Variants in SLC6A6 observed in about 807,000 individuals in gnomAD.
SLC6A6 encodes sodium- and chloride-dependent taurine transporter.
Under a neutral mutation model 68.8 loss-of-function variants are expected in SLC6A6, and 16 were observed. The ratio of observed to expected loss-of-function variants is 0.23; its 90% CI spans 0.16 to 0.35. SLC6A6 has a LOEUF of 0.35. Ranked by LOEUF, SLC6A6 falls within the 10% of genes least tolerant of loss-of-function variation. SLC6A6 has a pLI of 1.00. For missense variants in SLC6A6, 474 were observed against 802.8 expected (o/e 0.59, Z 4.95); for synonymous variants, 312 against 315.4 (o/e 0.99, Z 0.12).
Position 14,468,364 on chromosome 3 carries a change from A to T in SLC6A6, c.1096+152A>T. The T allele has an allele frequency of 1.4e-6, 1 of 710,010 alleles. No homozygotes were observed. The highest frequency in any genetic ancestry group is 2.2e-6 in the Non-Finnish European group (1 of 457,192). The allele number at this position is 710,010 out of a possible 1,614,324, so 44.0% of individuals were successfully genotyped here. A position where few individuals can be genotyped will look rare whatever the true frequency, so the allele number is the denominator to read the frequency against. The stretch of plus-strand genomic sequence containing the variant: ...CCCCCCCGCCACCAAGATATCCCCC[A>T]AATTTCAAAGAGTACAAAGCCAAAT... On this transcript the variant is annotated intron_variant, in intron 9 of 14. Transcript: ENST00000622186. This position sits in a 1 kb window ranked among gnomAD's most constrained non-coding sequence, Gnocchi z 4.5.
intron 14 of SLC6A6, 27 bp from the exon 15 acceptor site, chr3:14,484,840 C>T: frequency 6.2e-7 from 1 of 1,606,240 alleles, no homozygotes; most frequent in East Asian, 2.2e-5. Context: ...TGACGTTTCC[C>T]CCCTCACTCC....
At chr3:14,410,632 G>C (rs1699231513) in intron 1 of SLC6A6, among the ~76,000 whole-genome samples, 1 of 152,240 alleles carries the variant, frequency 6.6e-6, no homozygotes, top group Non-Finnish European at 1.5e-5. Context: ...CTGGAAGGCA[G>C]AGGGCTGAGC....
At chr3:14,448,413 G>A (rs1159451519) in intron 5 of SLC6A6, among the ~76,000 whole-genome samples, 1 of 152,164 alleles carries the variant, frequency 6.6e-6, no homozygotes, top group Non-Finnish European at 1.5e-5. Flanking sequence ...GCAACTGTAG[G>A]TCCTCCGGGT....
At chr3:14,415,924 G>A (rs1012730025) in intron 1 of SLC6A6, among the ~76,000 whole-genome samples, 1 of 152,334 alleles carries the variant, frequency 6.6e-6, no homozygotes, top group Middle Eastern at 3.4e-3. Context: ...GACTGAGCTG[G>A]TGGGGCGCTC....
At chr3:14,454,291 G>A (rs1349199816) in intron 5 of SLC6A6, among the ~76,000 whole-genome samples, 1 of 152,050 alleles carries the variant, frequency 6.6e-6, no homozygotes, top group Non-Finnish European at 1.5e-5. Context: ...GACTGTGCTG[G>A]GAGAGCTGTG....
At chr3:14,417,571 A>G (rs1489010936) in intron 2 of SLC6A6, among the ~76,000 whole-genome samples, 1 of 152,154 alleles carries the variant, frequency 6.6e-6, no homozygotes, top group African/African-American at 2.4e-5. Context: ...CTCTACTAAA[A>G]AACACAAAAA....
intron 2 of SLC6A6, among the ~76,000 whole-genome samples, chr3:14,426,273 T>A (rs1009507321): frequency 7.2e-5 from 11 of 152,150 alleles, no homozygotes; most frequent in African/African-American, 2.7e-4. Flanking sequence ...GCAACCTCGG[T>A]CAAGTCGCTT....
intron 1 of SLC6A6, among the ~76,000 whole-genome samples, chr3:14,410,250 T>C (rs1008336171): frequency 2.8e-5 from 4 of 143,978 alleles, no homozygotes; most frequent in African/African-American, 1.0e-4. Flanking sequence ...GCCGCACCCA[T>C]CATTCATTGC....
At chr3:14,415,074 A>G (rs2124903467) in intron 1 of SLC6A6, among the ~76,000 whole-genome samples, 1 of 152,374 alleles carries the variant, frequency 6.6e-6, no homozygotes, top group South Asian at 2.1e-4. Context: ...CACAGAGCCT[A>G]GAATGAAGCC....
intron 5 of SLC6A6, among the ~76,000 whole-genome samples, chr3:14,454,747 T>G (rs1231779466): frequency 6.6e-6 from 1 of 152,216 alleles, no homozygotes; most frequent in African/African-American, 2.4e-5. Context: ...AAAAATACTT[T>G]GCAAAGTGCA....
At chr3:14,426,407 A>G (rs1182150188) in intron 2 of SLC6A6, among the ~76,000 whole-genome samples, 1 of 152,208 alleles carries the variant, frequency 6.6e-6, no homozygotes, top group Non-Finnish European at 1.5e-5. Context: ...CAAACTGCAC[A>G]TGCAAGCCTG....
intron 2 of SLC6A6, among the ~76,000 whole-genome samples, chr3:14,424,909 C>G (rs116216266): frequency 6.6e-6 from 1 of 152,110 alleles, no homozygotes; most frequent in East Asian, 1.9e-4. Flanking sequence ...CGGTCGAAGC[C>G]GCCTGTTTGA....
At chr3:14,466,453 A>T (rs1363743129) in intron 6 of SLC6A6, 63 bp from the exon 7 acceptor site, 11 of 1,537,752 alleles carry the variant, frequency 7.2e-6, no homozygotes, top group African/African-American at 1.4e-5. Context: ...CTCTGAGAGG[A>T]TGCTCAGACT....
intron 1 of SLC6A6, among the ~76,000 whole-genome samples, chr3:14,407,288 G>A (rs1036442880): frequency 2.6e-5 from 4 of 152,068 alleles, no homozygotes; most frequent in Non-Finnish European, 5.9e-5. Flanking sequence ...GAGCTCAAGC[G>A]ATCCTCCCAC....
chr3:14,424,458 G>A (rs1699546231), intron 2 of SLC6A6, among the ~76,000 whole-genome samples: 1 of 152,160 alleles, frequency 6.6e-6, no homozygotes, highest in African/African-American at 2.4e-5. Context: ...CCCGTGGAAA[G>A]GCCTGGTAGA....
intron 12 of SLC6A6, chr3:14,478,870 C>A (rs938962069): frequency 7.7e-5 from 46 of 596,058 alleles, no homozygotes; most frequent in Non-Finnish European, 1.2e-4. Flanking sequence ...AGATTGCACA[C>A]CTAGGGTTTG....
intron 2 of SLC6A6, among the ~76,000 whole-genome samples, chr3:14,441,270 C>T (rs1427518552): frequency 2.6e-5 from 4 of 152,082 alleles, no homozygotes; most frequent in Non-Finnish European, 5.9e-5. Context: ...CACCTTCACT[C>T]GGAGGGAGTT....
chr3:14,477,436 A>T lies in SLC6A6; in HGVS notation c.1347+94A>T, dbSNP rs1700904785. The T allele has an allele frequency of 2.3e-6, 3 of 1,289,710 alleles. No homozygotes were observed. The highest frequency in any genetic ancestry group is 3.3e-6 in the Non-Finnish European group (3 of 905,870). 79.9% of individuals were successfully genotyped at this position (1,289,710 alleles called of 1,614,324 possible). On this transcript the variant is annotated intron_variant, in intron 11 of 14. Coordinates refer to ENST00000622186, the MANE Select transcript of SLC6A6 (RefSeq NM_003043.6). The surrounding 1 kb of genome is among the most constrained non-coding windows in gnomAD (Gnocchi z 4.2). ...CAGCAGCTGGGTGAGAGGGCCAGGT[A>T]GGGGCTTCATCTCCCAGCCCCACCC...
At chr3:14,403,654 G>A (rs1699039312) in intron 1 of SLC6A6, among the ~76,000 whole-genome samples, 1 of 152,250 alleles carries the variant, frequency 6.6e-6, no homozygotes, top group African/African-American at 2.4e-5. Context: ...ACCAAGGCCC[G>A]GAGGGGCAGC....
Sources: allele counts gnomAD v4.1 joint callset (sites outside exome capture counted in the v4.1 genomes callset), GRCh38; gene constraint gnomAD v4.1.1; non-coding constraint Gnocchi (gnomAD v3.1); transcripts MANE v1.5; gene names NCBI Gene and HGNC (gene_info 2026-07-23, HGNC 2026-07-21).